NSMCE2: variants seen among roughly 807,000 people sequenced by gnomAD.
The protein encoded by NSMCE2 is NSE2 SUMO ligase component of SMC5/6 complex.
NSMCE2 carries 24 observed loss-of-function variants against 23.8 expected under a neutral mutation model. The ratio of observed to expected loss-of-function variants is 1.01; its 90% CI spans 0.73 to 1.42. The LOEUF is 1.42. Among genes scored for constraint, NSMCE2 ranks in the 40% most tolerant of loss-of-function variants. NSMCE2 has a pLI of 0.00. For missense variants in NSMCE2, 284 were observed against 296.5 expected (o/e 0.96, Z 0.31); for synonymous variants, 92 against 94.1 (o/e 0.98, Z 0.13).
At chr8:125,161,041 T>A (rs1372407042) in intron 4 of NSMCE2, among the ~76,000 whole-genome samples, 1 of 151,978 alleles carries the variant, frequency 6.6e-6, no homozygotes, top group African/African-American at 2.4e-5. Context: ...AAATGGAGAG[T>A]ATGTGAATGG....
intron 3 of NSMCE2, among the ~76,000 whole-genome samples, chr8:125,111,326 C>T (rs1428032162): frequency 6.6e-6 from 1 of 152,082 alleles, no homozygotes; most frequent in African/African-American, 2.4e-5. Context: ...AGTTTTAAAT[C>T]CGGGTGCTTT....
intron 5 of NSMCE2, among the ~76,000 whole-genome samples, chr8:125,307,003 G>A (rs1331193345): frequency 2.0e-5 from 3 of 152,200 alleles, no homozygotes; most frequent in Non-Finnish European, 4.4e-5. Context: ...TGCTACTACT[G>A]AATTATGCCA....
intron 5 of NSMCE2, among the ~76,000 whole-genome samples, chr8:125,200,961 G>A (rs982881479): frequency 6.6e-6 from 1 of 152,032 alleles, no homozygotes; most frequent in Admixed American, 6.6e-5. Flanking sequence ...TGATCGAATC[G>A]GGTATTGAAG....
At chr8:125,299,914 G>A (rs1563771093) in intron 5 of NSMCE2, among the ~76,000 whole-genome samples, 1 of 142,606 alleles carries the variant, frequency 7.0e-6, no homozygotes, top group African/African-American at 2.6e-5. Context: ...CACCTCCCTG[G>A]TTGAAGTGAT....
Position 125,102,049 on chromosome 8 carries a change from A to G in NSMCE2, c.-110-2A>G, listed in dbSNP as rs1818216709. The G allele has an allele frequency of 3.5e-6, 1 of 282,652 alleles. No individual in the cohort carries two copies. The highest frequency in any genetic ancestry group is 6.3e-5 in the East Asian group (1 of 15,904). 17.5% of individuals were successfully genotyped at this position (282,652 alleles called of 1,614,324 possible). The stretch of plus-strand genomic sequence containing the variant: ...ACTGTGCTATTGTTGACTTCTTCAC[A>G]GAATCAAGCACTCTTTTGGAAGAGG... On this transcript the variant is annotated splice_acceptor_variant, in intron 1 of 7. Transcript: ENST00000287437. LOFTEE classifies it low-confidence loss of function (5UTR_SPLICE).
chr8:125,125,889 A>G (rs1199434157), intron 3 of NSMCE2, among the ~76,000 whole-genome samples: 1 of 152,156 alleles, frequency 6.6e-6, no homozygotes, highest in Non-Finnish European at 1.5e-5. Context: ...GCCCAGGGTG[A>G]TACTGTGGAG....
At chr8:125,144,543 G>A (rs935546992) in intron 3 of NSMCE2, among the ~76,000 whole-genome samples, 2 of 152,200 alleles carry the variant, frequency 1.3e-5, no homozygotes, top group African/African-American at 4.8e-5. Context: ...CATAAGGACC[G>A]TATTGCTACA....
intron 5 of NSMCE2, among the ~76,000 whole-genome samples, chr8:125,227,725 A>G (rs1825158871): frequency 6.6e-6 from 1 of 152,180 alleles, no homozygotes; most frequent in Non-Finnish European, 1.5e-5. Context: ...GTATATTGTA[A>G]AAGATTCAGG....
At chr8:125,155,355 G>C (rs1444802242) in intron 4 of NSMCE2, among the ~76,000 whole-genome samples, 2 of 152,102 alleles carry the variant, frequency 1.3e-5, no homozygotes, top group African/African-American at 4.8e-5. Flanking sequence ...TCTTATTTCT[G>C]ATTGTCTTGA....
At chr8:125,286,302 A>T (rs1361182824) in intron 5 of NSMCE2, among the ~76,000 whole-genome samples, 1 of 141,384 alleles carries the variant, frequency 7.1e-6, no homozygotes, top group Non-Finnish European at 1.6e-5. Context: ...ACTCCAAACA[A>T]TACCTTTTAT....
At chr8:125,242,492 G>T (rs758875448) in intron 5 of NSMCE2, among the ~76,000 whole-genome samples, 8 of 151,936 alleles carry the variant, frequency 5.3e-5, no homozygotes, top group Non-Finnish European at 8.8e-5. Flanking sequence ...TATCACTGCA[G>T]ACCACCAAGA....
chr8:125,139,796 A>T (rs1210108003), intron 3 of NSMCE2, among the ~76,000 whole-genome samples: 1 of 152,118 alleles, frequency 6.6e-6, no homozygotes, highest in Non-Finnish European at 1.5e-5. Flanking sequence ...GTTTGCCCTT[A>T]TGTTGTCATT....
At chr8:125,280,404 C>T (rs982849834) in intron 5 of NSMCE2, among the ~76,000 whole-genome samples, 2 of 152,194 alleles carry the variant, frequency 1.3e-5, no homozygotes, top group African/African-American at 4.8e-5. Flanking sequence ...CTAAAATGTT[C>T]TATGGTTGCA....
At chr8:125,202,393 C>T (rs749651057) in intron 5 of NSMCE2, among the ~76,000 whole-genome samples, 32 of 152,148 alleles carry the variant, frequency 2.1e-4, no homozygotes, top group Non-Finnish European at 4.3e-4. Flanking sequence ...TATTTAGTCA[C>T]CTATATATGT....
chr8:125,263,275 T>C (rs903732065), intron 5 of NSMCE2, among the ~76,000 whole-genome samples: 1 of 152,190 alleles, frequency 6.6e-6, no homozygotes, highest in East Asian at 1.9e-4. Flanking sequence ...CCCAGGGATC[T>C]ATGTAGGTAT....
intron 5 of NSMCE2, among the ~76,000 whole-genome samples, chr8:125,247,698 T>A (rs1328703735): frequency 6.8e-6 from 1 of 148,146 alleles, no homozygotes; most frequent in East Asian, 2.0e-4. Flanking sequence ...GTACTCCCAC[T>A]GGACAACAAG....
At chr8:125,140,888 T>G (rs1420917675) in intron 3 of NSMCE2, among the ~76,000 whole-genome samples, 1 of 152,132 alleles carries the variant, frequency 6.6e-6, no homozygotes, top group African/African-American at 2.4e-5. Flanking sequence ...AATTCACAGT[T>G]TCTTTTCAGT....
At chr8:125,180,007 A>T (rs555038154) in intron 4 of NSMCE2, among the ~76,000 whole-genome samples, 2 of 152,186 alleles carry the variant, frequency 1.3e-5, no homozygotes, top group African/African-American at 4.8e-5. Flanking sequence ...TCTTAGGTGG[A>T]TGTGAGTCCA....
chr8:125,320,700 T>G (rs1392546321), intron 5 of NSMCE2, among the ~76,000 whole-genome samples: 1 of 151,784 alleles, frequency 6.6e-6, no homozygotes, highest in Admixed American at 6.6e-5. Flanking sequence ...ATACAAACAA[T>G]AAAAGAATTC....
Sources: gnomAD v4.1 joint callset for allele counts (sites outside exome capture counted in the v4.1 genomes callset) on GRCh38, gnomAD v4.1.1 for gene constraint, MANE v1.5 for transcripts, NCBI Gene and HGNC (gene_info 2026-07-23, HGNC 2026-07-21) for gene names.